PSPN: variants seen among roughly 807,000 people sequenced by gnomAD.
The protein encoded by PSPN is persephin.
PSPN carries 12 observed loss-of-function variants against 9.4 expected under a neutral mutation model. The observed-to-expected ratio is 1.28, with a 90% CI of 0.82 to 2.07. The LOEUF (loss-of-function observed/expected upper bound fraction) is 2.07. Among genes scored for constraint, PSPN ranks in the 30% most tolerant of loss-of-function variants. PSPN has a pLI of 0.00. For missense variants in PSPN, 229 were observed against 227.4 expected, an observed-to-expected ratio of 1.01 and a Z score of -0.05; for synonymous variants, 115 against 106.4, an observed-to-expected ratio of 1.08 and a Z score of -0.50.
In PSPN at chr19:6,375,357, A is replaced by G. The variant is rs80336323; in HGVS notation, c.408T>C (p.Asp136=). The G allele has an allele frequency of 0.081, 119,366 of 1,468,346 alleles. 5,540 individuals carry two copies. Among genetic ancestry groups the G allele is most frequent in the Non-Finnish European group, 0.094 (105,739 of 1,119,254 alleles). The allele number at this position is 1,468,346 out of a possible 1,614,324, so 91.0% of individuals were successfully genotyped here. Residue 136 remains aspartate, a synonymous_variant, in exon 2 of 2, where the codon GAT becomes GAC. Transcript: ENST00000245810. ...GCAGCCGCTGCCAGCGGTGGCGGTC[A>G]TCGAGGAAGGCCACGTCGGTGTAGC... The part of the protein sequence containing the change: ...PTRYTDVAFL[D]DRHRWQRLPQ...
At position 6,375,505 on chromosome 19, in the gene PSPN, T is replaced by A. The variant is rs1287464938; in HGVS notation, c.260A>T (p.Lys87Met). 1.3e-6 allele frequency: 2 copies of A among 1,560,086 alleles called. No homozygotes were observed. ...GCCGGCGCAGTAGCGGAAGATGACC[T>A]TCTCCTCTGAGGCGTAGCCCAGGCC... is the stretch of plus-strand genomic sequence containing the variant. ...ELGLGYASEE[K>M]VIFRYCAGSC... The change falls in exon 2 of 2, where the codon AAG becomes ATG. Residue 87 changes from lysine (K) to methionine (M), a missense_variant. Transcript: ENST00000245810.
Position 6,375,554 on chromosome 19 carries a change from G to T in PSPN, c.211C>A (p.Leu71Met), listed in dbSNP as rs1480812661. The stretch of plus-strand genomic sequence containing the variant: ...CCTAGCTCTGCCACGGACAGGGTCA[G>T]GCTCCACAGCTGGCATGGACCAGAC... ...ALSGPCQLWS[L>M]TLSVAELGLG... Residue 71 changes from leucine to methionine, a missense_variant, in exon 2 of 2, where the codon CTG becomes ATG. Physicochemically the swap from Leu to Met is conservative, Grantham distance 15. Transcript: ENST00000245810. The T allele has an allele frequency of 6.3e-7, 1 of 1,577,296 alleles. No individual in the cohort carries two copies. The highest frequency in any genetic ancestry group is 1.9e-5 in the Admixed American group (1 of 53,912).
Position 6,375,245 on chromosome 19 carries a change from A to G in PSPN, c.*49T>C. 7.2e-7 allele frequency: 1 copy of G among 1,392,490 alleles called. No individual in the cohort carries two copies. The highest frequency in any genetic ancestry group is 9.3e-7 in the Non-Finnish European group (1 of 1,081,016). 86.3% of individuals were successfully genotyped at this position (1,392,490 alleles called of 1,614,324 possible). On this transcript the variant is annotated 3_prime_UTR_variant, in exon 2 of 2. Coordinates refer to ENST00000245810, the MANE Select transcript of PSPN (RefSeq NM_004158.5). ...CATCCAGGTCTCCAATAAATAAGTC[A>G]GCCGAGCTCCCCCAGCACTGCAGCT...
In PSPN at chr19:6,375,321, C is replaced by T. The variant is rs369475842; in HGVS notation, c.444G>A (p.Ser148=). 2.7e-4 allele frequency: 385 copies of T among 1,432,530 alleles called. 3 individuals are homozygous for T. The East Asian group carries it at 9.5e-3, about 35-fold the overall frequency. 88.7% of individuals were successfully genotyped at this position (1,432,530 alleles called of 1,614,324 possible). A position where few individuals can be genotyped will look rare whatever the true frequency, so the allele number is the denominator to read the frequency against. Residue 148 remains serine (S), a synonymous_variant, in exon 2 of 2, where the codon TCG becomes TCA. Transcript: ENST00000245810. ...RHRWQRLPQL[S]AAACGCGG ...AGCCACCACAGCCGCAGGCAGCCGC[C>T]GAGAGCTGGGGCAGCCGCTGCCAGC...
In PSPN at chr19:6,375,635, C is replaced by T. The variant is rs759117662; in HGVS notation, c.149-19G>A. The T allele has an allele frequency of 1.1e-5, 17 of 1,596,154 alleles. No homozygotes were observed. Among genetic ancestry groups the T allele is most frequent in the Non-Finnish European group, 1.4e-5 (16 of 1,170,548 alleles). ...TGGGTGCCTGTGGGAGGGAAGGGCG[C>T]TGACAGTGAGCAGGGTCAGGGCTGG... On this transcript the variant is annotated intron_variant, in intron 1 of 1. Coordinates refer to ENST00000245810, the MANE Select transcript of PSPN (RefSeq NM_004158.5).
In PSPN at chr19:6,375,470, G is replaced by A. The variant is rs756616177; in HGVS notation, c.295C>T (p.Arg99Cys). 1.1e-5 allele frequency: 17 copies of A among 1,543,978 alleles called. No individual in the cohort carries two copies. The highest frequency in any genetic ancestry group is 1.4e-5 in the Non-Finnish European group (16 of 1,141,836). ...AGGCCATGCTGGGTGCGGGCACCAC[G>A]GGGGCAGCTGCCGGCGCAGTAGCGG... is the stretch of plus-strand genomic sequence containing the variant. Reference protein sequence around the residue: ...IFRYCAGSCPRGARTQHGLAL... With the variant: ...IFRYCAGSCPCGARTQHGLAL... Residue 99 changes from arginine to cysteine, a missense_variant, in exon 2 of 2, where the codon CGT becomes TGT. By Grantham distance (180) the Arg-to-Cys change is radical (BLOSUM62 -3). Transcript: ENST00000245810.
At position 6,375,749 on chromosome 19, in the gene PSPN, C is replaced by A. The variant is rs763204427; in HGVS notation, c.101G>T (p.Gly34Val). The A allele has an allele frequency of 6.2e-7, 1 of 1,614,088 alleles. No homozygotes were observed. Among genetic ancestry groups the A allele is most frequent in the South Asian group, 1.1e-5 (1 of 91,076 alleles). ...PDARGVPVAD[G>V]EFSSEQVAKA... ...TGCCACCTGTTCAGACGAGAACTCT[C>A]CATCGGCCACGGGAACCCCACGGGC... Residue 34 changes from glycine (G) to valine (V), a missense_variant, in exon 1 of 2, where the codon GGA becomes GTA. Coordinates refer to ENST00000245810, the MANE Select transcript of PSPN (RefSeq NM_004158.5).
chr19:6,375,415 C>CGGCCCT lies in PSPN; in HGVS notation c.344_349dup (p.Gln115_Gly116dup). On this transcript the variant is annotated inframe_insertion, in exon 2 of 2. Transcript: ENST00000245810. ...CCGGCAGCAGGGCCCGCCGTGGGCT[C>CGGCCCT]GGCCCTGGCCCTGCAGCCGGGCCAG... 2.0e-6 allele frequency: 3 copies of CGGCCCT among 1,526,314 alleles called. No individual in the cohort carries two copies. The highest frequency in any genetic ancestry group is 1.4e-5 in the African/African-American group (1 of 71,678). 94.5% of individuals were successfully genotyped at this position (1,526,314 alleles called of 1,614,324 possible). A position where few individuals can be genotyped will look rare whatever the true frequency, so the allele number is the denominator to read the frequency against.
In PSPN at chr19:6,375,442, G is replaced by A. The variant is rs1430117528; in HGVS notation, c.323C>T (p.Ala108Val). The A allele has an allele frequency of 8.4e-6, 13 of 1,544,808 alleles. No individual in the cohort carries two copies. Among genetic ancestry groups the A allele is most frequent in the Admixed American group, 2.0e-5 (1 of 50,240 alleles). ...GCCCTGGCCCTGCAGCCGGGCCAGC[G>A]CCAGGCCATGCTGGGTGCGGGCACC... ...PRGARTQHGL[A>V]LARLQGQGRA... Residue 108 changes from alanine to valine, a missense_variant, in exon 2 of 2, where the codon GCG (alanine) becomes GTG (valine). Coordinates refer to ENST00000245810, the MANE Select transcript of PSPN (RefSeq NM_004158.5).
Position 6,375,256 on chromosome 19 carries a change from C to CCCA in PSPN, c.*35_*37dup. ...CCAATAAATAAGTCAGCCGAGCTCC[C>CCCA]CCAGCACTGCAGCTTCTGGGTGCCA... On this transcript the variant is annotated 3_prime_UTR_variant, in exon 2 of 2. Transcript: ENST00000245810. 7.1e-7 allele frequency: 1 copy of CCCA among 1,402,364 alleles called. No individual in the cohort carries two copies. Among genetic ancestry groups the CCCA allele is most frequent in the Non-Finnish European group, 9.2e-7 (1 of 1,087,838 alleles). The allele number at this position is 1,402,364 out of a possible 1,614,324, so 86.9% of individuals were successfully genotyped here. A position where few individuals can be genotyped will look rare whatever the true frequency, so the allele number is the denominator to read the frequency against.
Position 6,375,795 on chromosome 19 carries a change from C to A in PSPN, c.55G>T (p.Gly19Ter). The change falls in exon 1 of 2, where the codon GGA (glycine) becomes TGA (stop). Residue 19 changes from glycine (G) to a stop codon, truncating the protein, a stop_gained. Coordinates refer to ENST00000245810, the MANE Select transcript of PSPN (RefSeq NM_004158.5). LOFTEE classifies it high-confidence loss of function. ...GSLLLLSLQLGQGWGPDARGV... is the reference protein window; with the variant it reads ...GSLLLLSLQL ...CGGGCATCGGGGCCCCAGCCCTGTCCCAGCTGCAGGGACAGGAGCAGCAGG... is the reference window on the plus strand; with the variant it reads ...CGGGCATCGGGGCCCCAGCCCTGTCACAGCTGCAGGGACAGGAGCAGCAGG... 1.2e-6 allele frequency: 2 copies of A among 1,614,014 alleles called. No homozygotes were observed. The highest frequency in any genetic ancestry group is 2.2e-5 in the South Asian group (2 of 91,078).
Position 6,375,190 on chromosome 19 carries a change from C to A in PSPN, c.*104G>T. ...CTTTATTGCACTCACTGCTGGTCGC[C>A]CCAGCCCACTCCCCTCCTCGTTGTC... On this transcript the variant is annotated 3_prime_UTR_variant, in exon 2 of 2. Transcript: ENST00000245810. 7.5e-7 allele frequency: 1 copy of A among 1,332,340 alleles called. No homozygotes were observed. The highest frequency in any genetic ancestry group is 2.8e-5 in the East Asian group (1 of 36,042). The allele number at this position is 1,332,340 out of a possible 1,614,324, so 82.5% of individuals were successfully genotyped here. A position where few individuals can be genotyped will look rare whatever the true frequency, so the allele number is the denominator to read the frequency against.
chr19:6,375,800 T>TGCAGGGACAGGAGCA lies in PSPN; in HGVS notation c.35_49dup (p.Leu12_Leu16dup). On this transcript the variant is annotated inframe_insertion, in exon 1 of 2. Coordinates refer to ENST00000245810, the MANE Select transcript of PSPN (RefSeq NM_004158.5). Reference sequence around the variant, plus strand: ...ATCGGGGCCCCAGCCCTGTCCCAGCTGCAGGGACAGGAGCAGCAGGGAGCC... The same window carrying TGCAGGGACAGGAGCA: ...ATCGGGGCCCCAGCCCTGTCCCAGCTGCAGGGACAGGAGCAGCAGGGACAGGAGCAGCAGGGAGCC... The TGCAGGGACAGGAGCA allele has an allele frequency of 3.1e-6, 5 of 1,614,006 alleles. No homozygotes were observed. Among genetic ancestry groups the TGCAGGGACAGGAGCA allele is most frequent in the Non-Finnish European group, 4.2e-6 (5 of 1,179,976 alleles).
In PSPN at chr19:6,375,382, C is replaced by T. The variant is rs1568326592; in HGVS notation, c.383G>A (p.Arg128His). The T allele has an allele frequency of 2.7e-6, 4 of 1,484,004 alleles. No homozygotes were observed. Among genetic ancestry groups the T allele is most frequent in the Non-Finnish European group, 3.6e-6 (4 of 1,125,270 alleles). The allele number at this position is 1,484,004 out of a possible 1,614,324, so 91.9% of individuals were successfully genotyped here. The change falls in exon 2 of 2, where the codon CGC (arginine) becomes CAC (histidine). Residue 128 changes from arginine to histidine, a missense_variant. Coordinates refer to ENST00000245810, the MANE Select transcript of PSPN (RefSeq NM_004158.5). ...AHGGPCCRPT[R>H]YTDVAFLDDR... ...ATCGAGGAAGGCCACGTCGGTGTAG[C>T]GAGTGGGCCGGCAGCAGGGCCCGCC...
chr19:6,375,669 G>A (rs765371244), intron 1 of PSPN, 33 bp downstream of exon 1: 34 of 1,609,510 alleles, frequency 2.1e-5, no homozygotes, highest in Non-Finnish European at 2.5e-5. Flanking sequence ...GGGGAAAGTT[G>A]GGAAGTCACA....
Position 6,375,885 on chromosome 19 carries a change from C to A in PSPN, c.-36G>T. The A allele has an allele frequency of 6.2e-7, 1 of 1,613,552 alleles. No homozygotes were observed. ...AGGTCCTGAGAGTGGGAGCTGTGCC[C>A]CAAATTTATGCCCTGCCTGGGCTGG... On this transcript the variant is annotated 5_prime_UTR_variant, in exon 1 of 2. Transcript: ENST00000245810.
At position 6,375,237 on chromosome 19, in the gene PSPN, A is replaced by G; in HGVS notation, c.*57T>C. ...TGTCTCTGCATCCAGGTCTCCAATAAATAAGTCAGCCGAGCTCCCCCAGCA... is the reference window on the plus strand; with the variant it reads ...TGTCTCTGCATCCAGGTCTCCAATAGATAAGTCAGCCGAGCTCCCCCAGCA... On this transcript the variant is annotated 3_prime_UTR_variant, in exon 2 of 2. Coordinates refer to ENST00000245810, the MANE Select transcript of PSPN (RefSeq NM_004158.5). 7.2e-7 allele frequency: 1 copy of G among 1,389,204 alleles called. No individual in the cohort carries two copies. Among genetic ancestry groups the G allele is most frequent in the South Asian group, 1.6e-5 (1 of 61,280 alleles). 86.1% of individuals were successfully genotyped at this position (1,389,204 alleles called of 1,614,324 possible). A position where few individuals can be genotyped will look rare whatever the true frequency, so the allele number is the denominator to read the frequency against.
In PSPN at chr19:6,375,764, A is replaced by G; in HGVS notation, c.86T>C (p.Val29Ala). ...CGAGAACTCTCCATCGGCCACGGGA[A>G]CCCCACGGGCATCGGGGCCCCAGCC... is the stretch of plus-strand genomic sequence containing the variant. The part of the protein sequence containing the change: ...GQGWGPDARG[V>A]PVADGEFSSE... Residue 29 changes from valine to alanine, a missense_variant, in exon 1 of 2, where the codon GTT (valine) becomes GCT (alanine). Transcript: ENST00000245810. The G allele has an allele frequency of 6.2e-7, 1 of 1,613,924 alleles. No individual in the cohort carries two copies.
At position 6,375,729 on chromosome 19, in the gene PSPN, C is replaced by A. The variant is rs2091919256; in HGVS notation, c.121G>T (p.Val41Leu). The A allele has an allele frequency of 6.2e-7, 1 of 1,614,044 alleles. No individual in the cohort carries two copies. The highest frequency in any genetic ancestry group is 1.1e-5 in the South Asian group (1 of 91,076). The change falls in exon 1 of 2, where the codon GTG (valine) becomes TTG (leucine). Residue 41 changes from valine (V) to leucine (L), a missense_variant. Transcript: ENST00000245810. ...VADGEFSSEQ[V>L]AKAGGTWLGT... ...AGCCAGGTCCCTCCAGCCTTTGCCA[C>A]CTGTTCAGACGAGAACTCTCCATCG...
Sources: gnomAD v4.1 joint callset for allele counts on GRCh38, gnomAD v4.1.1 for gene constraint, MANE v1.5 for transcripts, NCBI Gene and HGNC (gene_info 2026-07-23, HGNC 2026-07-21) for gene names.